LGR6: variants seen among roughly 807,000 people sequenced by gnomAD.
The protein encoded by LGR6 is leucine rich repeat containing G protein-coupled receptor 6.
In LGR6, 45 loss-of-function variants were observed where a neutral mutation model predicts 69.4. That is an observed-to-expected ratio of 0.65 (90% CI 0.51 to 0.83). LGR6 has a LOEUF of 0.83. Ranked by LOEUF, LGR6 falls within the 40% of genes least tolerant of loss-of-function variation. LGR6 has a pLI of 0.00. For synonymous variants in LGR6, 538 were observed against 555.0 expected (o/e 0.97, Z 0.43); for missense variants, 1,108 against 1,246.7 (o/e 0.89, Z 1.68).
chr1:202,271,693 A>T (rs1665113382), intron 4 of LGR6, among the ~76,000 whole-genome samples: 1 of 151,924 alleles, frequency 6.6e-6, no homozygotes, highest in South Asian at 2.1e-4. Context: ...CTGCAATCCC[A>T]GCTACTCCAG....
chr1:202,251,009 C>T (rs1468329958), intron 4 of LGR6, among the ~76,000 whole-genome samples: 1 of 152,200 alleles, frequency 6.6e-6, no homozygotes, highest in Non-Finnish European at 1.5e-5. Context: ...GGGAGAAGGG[C>T]CCTGCCCGCT....
intron 6 of LGR6, among the ~76,000 whole-genome samples, chr1:202,283,382 A>G (rs1406797345): frequency 6.6e-6 from 1 of 152,206 alleles, no homozygotes; most frequent in Non-Finnish European, 1.5e-5. Flanking sequence ...GAATAAAAGG[A>G]GAAAGAAATG....
In LGR6 at chr1:202,198,718, A is replaced by AGGGAG. The variant is rs1658731883; in HGVS notation, c.212+4528_212+4532dup. 1.4e-5 allele frequency among the ~76,000 whole-genome samples: 2 copies of AGGGAG among 145,594 alleles called. 1 individual carries two copies. Among genetic ancestry groups the AGGGAG allele is most frequent in the Admixed American group, 1.4e-4 (2 of 14,446 alleles). The stretch of plus-strand genomic sequence containing the variant: ...TTTTAAGAGTACAGTCTGAAAATCC[A>AGGGAG]GGGAGGGGAGGGGAGCACCTGATGG... On this transcript the variant is annotated intron_variant, in intron 1 of 17. Coordinates refer to ENST00000367278, the MANE Select transcript of LGR6 (RefSeq NM_001017403.2).
At chr1:202,225,384 G>A (rs1445186337) in intron 1 of LGR6, 39 bp from the exon 2 acceptor site, 1 of 1,587,954 alleles carries the variant, frequency 6.3e-7, no homozygotes, top group African/African-American at 1.3e-5. Context: ...GGCCCAAGTG[G>A]GGAGTTCACA....
At position 202,318,457 on chromosome 1, in the gene LGR6, G is replaced by T; in HGVS notation, c.2154G>T (p.Leu718=). ...VGEYGASPLC[L]PYAPPEGQPA... is the part of the protein sequence containing the mutation. ...AATACGGGGCCTCCCCACTCTGCCT[G>T]CCCTACGCGCCACCTGAGGGTCAGC... is the stretch of plus-strand genomic sequence containing the variant. Residue 718 remains leucine, a synonymous_variant, in exon 18 of 18, where the codon CTG becomes CTT. Coordinates refer to ENST00000367278, the MANE Select transcript of LGR6 (RefSeq NM_001017403.2). 1.2e-6 allele frequency: 2 copies of T among 1,613,184 alleles called. No homozygotes were observed. Among genetic ancestry groups the T allele is most frequent in the Non-Finnish European group, 8.5e-7 (1 of 1,179,820 alleles).
chr1:202,314,586 T>C (rs1653997237), intron 16 of LGR6, among the ~76,000 whole-genome samples: 1 of 152,236 alleles, frequency 6.6e-6, no homozygotes, highest in Non-Finnish European at 1.5e-5. Flanking sequence ...AAATGTTTGC[T>C]GTGCACTCTT....
In LGR6 at chr1:202,242,969, C is replaced by T. The variant is rs143987866; in HGVS notation, c.428+6976C>T. ...TCACAGTACTCTTCTGGGATGGCTA[C>T]TGCTAGATGTCTTGTAATCCCCATT... On this transcript the variant is annotated intron_variant, in intron 4 of 17. Coordinates refer to ENST00000367278, the MANE Select transcript of LGR6 (RefSeq NM_001017403.2). 5.3e-3 allele frequency among the ~76,000 whole-genome samples: 807 copies of T among 152,336 alleles called. 4 individuals carry two copies. Among genetic ancestry groups the T allele is most frequent in the East Asian group, 0.029 (150 of 5,182 alleles).
intron 4 of LGR6, among the ~76,000 whole-genome samples, chr1:202,252,970 A>G (rs1229385399): frequency 6.6e-6 from 1 of 152,220 alleles, no homozygotes; most frequent in Non-Finnish European, 1.5e-5. Context: ...GCTTCAACGC[A>G]CCCAGCAGGA....
intron 4 of LGR6, among the ~76,000 whole-genome samples, chr1:202,270,819 A>G (rs1436369058): frequency 6.6e-6 from 1 of 152,104 alleles, no homozygotes; most frequent in East Asian, 1.9e-4. Flanking sequence ...TCTCCCTGGG[A>G]TGTCCTATGA....
In LGR6 at chr1:202,210,428, G is replaced by GAAA. The variant is rs57478369; in HGVS notation, c.213-14982_213-14980dup. Among the ~76,000 whole-genome samples the GAAA allele has an allele frequency of 5.2e-3, 690 of 131,704 alleles. 8 individuals are homozygous for GAAA. The highest frequency in any genetic ancestry group is 0.017 in the African/African-American group (586 of 34,912). The allele number at this position is 131,704 out of a possible 152,430, so 86.4% of individuals were successfully genotyped here. ...GCCAGAGGCTGGGAGGTACAGAGCA[G>GAAA]AAAAAAAAAAAAAAACAAAAACCCT... On this transcript the variant is annotated intron_variant, in intron 1 of 17. Coordinates refer to ENST00000367278, the MANE Select transcript of LGR6 (RefSeq NM_001017403.2).
chr1:202,304,731 C>G, intron 11 of LGR6, 101 bp downstream of exon 11: 1 of 928,738 alleles, frequency 1.1e-6, no homozygotes, highest in Non-Finnish European at 1.7e-6. Context: ...CATTTCCCTT[C>G]CTGGAGAATG....
intron 1 of LGR6, among the ~76,000 whole-genome samples, chr1:202,200,152 C>T (rs1364155718): frequency 2.0e-5 from 3 of 152,170 alleles, no homozygotes; most frequent in Non-Finnish European, 4.4e-5. Context: ...GGCTCCTGGG[C>T]CGGGATGGTG....
chr1:202,234,201 C>T (rs1193130711), intron 3 of LGR6, among the ~76,000 whole-genome samples: 2 of 152,242 alleles, frequency 1.3e-5, no homozygotes, highest in African/African-American at 4.8e-5. Context: ...TGCAGCCAGG[C>T]CCTTCCCTTG....
At chr1:202,207,345 G>T (rs1010193632) in intron 1 of LGR6, among the ~76,000 whole-genome samples, 1 of 152,190 alleles carries the variant, frequency 6.6e-6, no homozygotes, top group Non-Finnish European at 1.5e-5. Flanking sequence ...AGATGGGCAG[G>T]AGGTGGCCCC....
At chr1:202,299,196 A>G (rs573910312) in intron 7 of LGR6, among the ~76,000 whole-genome samples, 15 of 148,288 alleles carry the variant, frequency 1.0e-4, no homozygotes, top group African/African-American at 3.7e-4. Context: ...GGTGGCAGAG[A>G]TTGCAATGAG....
At chr1:202,298,956 G>A (rs1476884536) in intron 7 of LGR6, among the ~76,000 whole-genome samples, 1 of 151,690 alleles carries the variant, frequency 6.6e-6, no homozygotes, top group Non-Finnish European at 1.5e-5. Context: ...GGGACAACTG[G>A]ACCACCTAGA....
At chr1:202,249,957 A>G (rs1488801460) in intron 4 of LGR6, among the ~76,000 whole-genome samples, 4 of 152,306 alleles carry the variant, frequency 2.6e-5, no homozygotes, top group East Asian at 1.9e-4. Context: ...TTGGCTCCCA[A>G]TTATCCTGAA....
intron 1 of LGR6, among the ~76,000 whole-genome samples, chr1:202,213,857 GATT>G (rs1659575612): frequency 6.6e-6 from 1 of 152,144 alleles, no homozygotes; most frequent in Non-Finnish European, 1.5e-5. Context: ...AGCCACTGAG[GATT>G]ACATTATAAG....
At chr1:202,290,593 C>G (rs1406153881) in intron 6 of LGR6, among the ~76,000 whole-genome samples, 1 of 152,194 alleles carries the variant, frequency 6.6e-6, no homozygotes, top group East Asian at 1.9e-4. Context: ...AAAAGGGGGG[C>G]CAGGCGCGGT....
Sources: allele counts gnomAD v4.1 joint callset (sites outside exome capture counted in the v4.1 genomes callset), GRCh38; gene constraint gnomAD v4.1.1; transcripts MANE v1.5; gene names NCBI Gene and HGNC (gene_info 2026-07-23, HGNC 2026-07-21).